NFIB: variants seen among roughly 807,000 people sequenced by gnomAD.
NFIB encodes nuclear factor I B.
In NFIB, 11 loss-of-function variants were observed where a neutral mutation model predicts 61.5. That is an observed-to-expected ratio of 0.18 (90% confidence interval 0.11 to 0.30). The LOEUF is 0.30. Among genes scored for constraint, NFIB ranks in the 10% least tolerant of loss-of-function variants. NFIB has a pLI of 1.00. For missense variants in NFIB, 471 were observed against 608.9 expected (o/e 0.77, Z 2.38); for synonymous variants, 260 against 216.5 (o/e 1.20, Z -1.76).
the NFIB span, among the ~76,000 whole-genome samples, chr9:14,496,401 C>G: frequency 6.6e-6 from 1 of 152,142 alleles, no homozygotes; most frequent in African/African-American, 2.4e-5. Context: ...GAATTTTCCA[C>G]TTGTGGCACC....
chr9:14,482,672 T>A, the NFIB span, among the ~76,000 whole-genome samples: 3 of 152,218 alleles, frequency 2.0e-5, no homozygotes, highest in African/African-American at 7.2e-5. Flanking sequence ...GCTGTTTATA[T>A]CAATATTTAA....
intron 2 of NFIB, among the ~76,000 whole-genome samples, chr9:14,193,157 C>T (rs1448269111): frequency 6.6e-6 from 1 of 150,736 alleles, no homozygotes; most frequent in Non-Finnish European, 1.5e-5. Flanking sequence ...ATGCTCAATG[C>T]CATGTTCTAA....
At chr9:14,126,268 C>T (rs1015435344) in intron 6 of NFIB, among the ~76,000 whole-genome samples, 3 of 152,188 alleles carry the variant, frequency 2.0e-5, no homozygotes, top group South Asian at 2.1e-4. Flanking sequence ...CTTCTGCAAA[C>T]GTTTACTGGG....
intron 2 of NFIB, among the ~76,000 whole-genome samples, chr9:14,251,456 C>T (rs1263828233): frequency 6.6e-6 from 1 of 152,200 alleles, no homozygotes. Flanking sequence ...TCCCAGCCAA[C>T]CCCTGAGATT....
chr9:14,085,467 A>G lies in NFIB; in HGVS notation c.*2842T>C, dbSNP rs61409207. On this transcript the variant is annotated 3_prime_UTR_variant, in exon 11 of 11. Transcript: ENST00000380953. The stretch of plus-strand genomic sequence containing the variant: ...ACGAAATCAAATATATAGTTAAGGT[A>G]CCATTCCTTAAAAAAATCCCATCAG... 2.2e-3 allele frequency: 492 copies of G among 221,800 alleles called. 2 individuals carry two copies. Among genetic ancestry groups the G allele is most frequent in the African/African-American group, 0.01 (463 of 44,752 alleles). 13.7% of individuals were successfully genotyped at this position (221,800 alleles called of 1,614,324 possible). A position where few individuals can be genotyped will look rare whatever the true frequency, so the allele number is the denominator to read the frequency against.
At chr9:14,495,463 T>TGTC in the NFIB span, among the ~76,000 whole-genome samples, 1 of 149,884 alleles carries the variant, frequency 6.7e-6, no homozygotes, top group Non-Finnish European at 1.5e-5. Context: ...TTTTTTTTTT[T>TGTC]TGTCTGAGAG....
intron 1 of NFIB, among the ~76,000 whole-genome samples, chr9:14,352,502 C>T (rs924570358): frequency 9.2e-5 from 14 of 152,194 alleles, no homozygotes; most frequent in African/African-American, 3.4e-4. Flanking sequence ...GTTCCTCCTG[C>T]CCCTGCCTGG....
the NFIB span, among the ~76,000 whole-genome samples, chr9:14,465,751 A>G: frequency 6.6e-6 from 1 of 151,754 alleles, no homozygotes; most frequent in African/African-American, 2.4e-5. Context: ...TCCTTCTGCC[A>G]CTCTACTGCA....
At chr9:14,117,721 T>C (rs1313707646) in intron 8 of NFIB, among the ~76,000 whole-genome samples, 3 of 152,276 alleles carry the variant, frequency 2.0e-5, no homozygotes, top group South Asian at 2.1e-4. Flanking sequence ...AGTATTTAAC[T>C]TGATGTCAGG....
intron 1 of NFIB, among the ~76,000 whole-genome samples, chr9:14,329,987 G>T (rs955848790): frequency 6.6e-6 from 1 of 151,856 alleles, no homozygotes; most frequent in African/African-American, 2.4e-5. Flanking sequence ...GCTGGGCGTG[G>T]GTGGTGGCAC....
chr9:14,091,353 C>A (rs1296312396), intron 10 of NFIB, among the ~76,000 whole-genome samples: 7 of 151,628 alleles, frequency 4.6e-5, no homozygotes, highest in Non-Finnish European at 1.0e-4. Context: ...TTCAAAAATG[C>A]AATGTCTAAA....
At chr9:14,325,179 T>C (rs186016428) in intron 1 of NFIB, among the ~76,000 whole-genome samples, 3 of 152,168 alleles carry the variant, frequency 2.0e-5, no homozygotes, top group East Asian at 1.9e-4. Context: ...TGTTATAAAT[T>C]ATAAATAATT....
intron 2 of NFIB, among the ~76,000 whole-genome samples, chr9:14,276,627 A>G (rs1046113226): frequency 2.6e-5 from 4 of 152,116 alleles, no homozygotes; most frequent in African/African-American, 7.2e-5. Flanking sequence ...TGTGAGCTCT[A>G]ATTTTCTCAT....
intron 2 of NFIB, among the ~76,000 whole-genome samples, chr9:14,209,186 T>C (rs2050058802): frequency 6.6e-6 from 1 of 152,256 alleles, no homozygotes; most frequent in South Asian, 2.1e-4. Context: ...ATATTTTTAA[T>C]TCATTTTTAT....
chr9:14,260,817 T>C (rs2056678902), intron 2 of NFIB, among the ~76,000 whole-genome samples: 1 of 152,230 alleles, frequency 6.6e-6, no homozygotes, highest in African/African-American at 2.4e-5. Context: ...GGGGCATGGA[T>C]TGGCCCAAAG....
chr9:14,131,522 C>G (rs2040404603), intron 6 of NFIB, among the ~76,000 whole-genome samples: 1 of 152,084 alleles, frequency 6.6e-6, no homozygotes, highest in African/African-American at 2.4e-5. Flanking sequence ...CGCTGTGAAA[C>G]ACAGCGTATG....
intron 3 of NFIB, among the ~76,000 whole-genome samples, chr9:14,177,367 C>A (rs2046302671): frequency 6.6e-6 from 1 of 151,772 alleles, no homozygotes; most frequent in South Asian, 2.1e-4. Flanking sequence ...TAGTTGTTCA[C>A]ATTTAAAATT....
At chr9:14,202,118 T>C (rs2131634814) in intron 2 of NFIB, among the ~76,000 whole-genome samples, 1 of 134,564 alleles carries the variant, frequency 7.4e-6, no homozygotes, top group South Asian at 2.4e-4. Flanking sequence ...GAAGATAAAA[T>C]TGATACTTTT....
intron 9 of NFIB, among the ~76,000 whole-genome samples, chr9:14,114,454 G>T (rs141799421): frequency 1.6e-3 from 246 of 152,222 alleles, no homozygotes; most frequent in African/African-American, 5.8e-3. Context: ...TCAATGACCA[G>T]TTTTTTATTA....
Sources: gnomAD v4.1 joint callset for allele counts (sites outside exome capture counted in the v4.1 genomes callset) on GRCh38, gnomAD v4.1.1 for gene constraint, MANE v1.5 for transcripts, NCBI Gene and HGNC (gene_info 2026-07-23, HGNC 2026-07-21) for gene names.